Variants in FBF1 observed in about 807,000 individuals in gnomAD.
The protein encoded by FBF1 is fas-binding factor 1.
Under a neutral mutation model 147.2 loss-of-function variants are expected in FBF1, and 119 were observed. The observed-to-expected ratio is 0.81, with a 90% CI of 0.70 to 0.94. FBF1 has a LOEUF of 0.94. Ranked by LOEUF, FBF1 falls within the 40% of genes least tolerant of loss-of-function variation. FBF1 has a pLI of 0.00. For missense variants in FBF1, 1,449 were observed against 1,500.8 expected, an observed-to-expected ratio of 0.97 and a Z score of 0.57; for synonymous variants, 601 against 609.0, an observed-to-expected ratio of 0.99 and a Z score of 0.19.
intron 28 of FBF1, 51 bp downstream of exon 28, chr17:75,913,651 C>A: frequency 6.8e-7 from 1 of 1,460,368 alleles, no homozygotes; most frequent in East Asian, 2.5e-5. Flanking sequence ...ACTCCTAGCA[C>A]TGCCCCTGCC....
At position 75,933,021 on chromosome 17, in the gene FBF1, C is replaced by T; in HGVS notation, c.141G>A (p.Met47Ile). ...TTGTTCTCGCCTTTGAAGAAGGGAA[C>T]ATCTGAGATACACCTGTGGTGTCTC... ...HTRDTTGVSQ[M>I]FPSSKARTKS... The change falls in exon 5 of 30, where the codon ATG (methionine) becomes ATA (isoleucine). Residue 47 changes from methionine (M) to isoleucine (I), a missense_variant. Transcript: ENST00000636174. 2 of 1,603,848 alleles carry T rather than the reference C, an allele frequency of 1.2e-6. No homozygotes were observed. Among genetic ancestry groups the T allele is most frequent in the Non-Finnish European group, 8.5e-7 (1 of 1,171,952 alleles).
At position 75,923,301 on chromosome 17, in the gene FBF1, A is replaced by G. The variant is rs962690890; in HGVS notation, c.1309T>C (p.Trp437Arg). 1 of 1,594,298 alleles carries G rather than the reference A, an allele frequency of 6.3e-7. No individual in the cohort carries two copies. The highest frequency in any genetic ancestry group is 8.5e-7 in the Non-Finnish European group (1 of 1,170,828). The change falls in exon 14 of 30, where the codon TGG becomes CGG. Residue 437 changes from tryptophan to arginine, a missense_variant. Physicochemically the swap from Trp to Arg is moderately radical, Grantham distance 101. Coordinates refer to ENST00000636174, the MANE Select transcript of FBF1 (RefSeq NM_001319193.2). The surrounding 1 kb of genome is among the most constrained non-coding windows in gnomAD (Gnocchi z 4.1). ...TTCCGAGACAGGGCATGGCTCAGCC[A>G]GTCCTCTTTCTCCTCCTTGGAGGCT... ...LRASKEEKED[W>R]LSHALSRKKS...
At position 75,919,993 on chromosome 17, in the gene FBF1, C is replaced by T. The variant is rs1299754035; in HGVS notation, c.1931+14G>A. On this transcript the variant is annotated intron_variant, in intron 19 of 29. Coordinates refer to ENST00000636174, the MANE Select transcript of FBF1 (RefSeq NM_001319193.2). The surrounding 1 kb of genome is among the most constrained non-coding windows in gnomAD (Gnocchi z 5.0). ...GTGAGATCCAAGGCAGAGCTGGGGC[C>T]AGCGCCAGGGTACCTGTGTGCACTC... 6.2e-7 allele frequency: 1 copy of T among 1,608,610 alleles called. No homozygotes were observed. The highest frequency in any genetic ancestry group is 1.7e-5 in the Admixed American group (1 of 59,078).
At position 75,920,084 on chromosome 17, in the gene FBF1, C is replaced by G. The variant is rs759108333; in HGVS notation, c.1854G>C (p.Arg618=). 82 of 1,588,598 alleles carry G rather than the reference C, an allele frequency of 5.2e-5. No individual in the cohort carries two copies. The highest frequency in any genetic ancestry group is 1.7e-4 in the Middle Eastern group (1 of 5,740). The change falls in exon 19 of 30, where the codon CGG becomes CGC. Residue 618 remains arginine (R), a synonymous_variant. Coordinates refer to ENST00000636174, the MANE Select transcript of FBF1 (RefSeq NM_001319193.2). ...TCCCCAGCAGCAGCTCATGCTGGGC[C>G]CGTTCTAGCTCCAGCTTCCGCACCT... The part of the protein sequence containing the change: ...EAQVRKLELE[R]AQHELLLGSL...
intron 7 of FBF1, 52 bp downstream of exon 7, chr17:75,929,945 A>AGGGGGGCCCCCCCCCCCCCC: frequency 3.1e-6 from 2 of 650,890 alleles, no homozygotes; most frequent in Non-Finnish European, 2.8e-6. Context: ...AAATATCATG[A>AGGGGGGCCCCCCCCCCCCCC]CCCCACCCCA....
chr17:75,921,437 A>C, intron 16 of FBF1, 35 bp downstream of exon 16: 1 of 1,594,094 alleles, frequency 6.3e-7, no homozygotes, highest in East Asian at 2.3e-5. Flanking sequence ...ACCCAGGGTT[A>C]AACTCCCAAA....
Position 75,915,154 on chromosome 17 carries a change from G to A in FBF1, c.2506-15C>T, listed in dbSNP as rs2065481258. The A allele has an allele frequency of 6.2e-7, 1 of 1,604,682 alleles. No homozygotes were observed. On this transcript the variant is annotated splice_polypyrimidine_tract_variant and intron_variant, in intron 23 of 29. Transcript: ENST00000636174. ...CGCCAGCGTTCCTGTAGGGCCCAGG[G>A]CAGGACTGAGAGCGTGGTTCCCGCC...
In FBF1 at chr17:75,938,188, A is replaced by G; in HGVS notation, c.-39T>C. 6.2e-7 allele frequency: 1 copy of G among 1,613,418 alleles called. No homozygotes were observed. Among genetic ancestry groups the G allele is most frequent in the Non-Finnish European group, 8.5e-7 (1 of 1,179,754 alleles). ...GGGGTGCTCTCAGCTCCTTCACAGC[A>G]CTGGCCAGCTCATCTGGATTCTGCC... On this transcript the variant is annotated 5_prime_UTR_variant, in exon 2 of 30. Coordinates refer to ENST00000636174, the MANE Select transcript of FBF1 (RefSeq NM_001319193.2).
In FBF1 at chr17:75,926,838, T is replaced by C; in HGVS notation, c.515A>G (p.Glu172Gly). The C allele has an allele frequency of 6.2e-7, 1 of 1,613,604 alleles. No individual in the cohort carries two copies. The highest frequency in any genetic ancestry group is 1.1e-5 in the South Asian group (1 of 90,908). The change falls in exon 10 of 30, where the codon GAA becomes GGA. Residue 172 changes from glutamate to glycine, a missense_variant. Glu to Gly is a moderately conservative substitution (Grantham distance 98). Coordinates refer to ENST00000636174, the MANE Select transcript of FBF1 (RefSeq NM_001319193.2). ...AGGCGGCTGCTTGGTGATTCCTCCTTCATCATAGGAGAGAAGTCCTCTCAA... is the reference window on the plus strand; with the variant it reads ...AGGCGGCTGCTTGGTGATTCCTCCTCCATCATAGGAGAGAAGTCCTCTCAA... ...DPLRGLLSYD[E>G]GGITKQPPVT...
intron 23 of FBF1, among the ~76,000 whole-genome samples, chr17:75,917,261 G>A (rs1473199612): frequency 6.6e-6 from 1 of 152,228 alleles, no homozygotes; most frequent in Non-Finnish European, 1.5e-5. Context: ...ACTGTGCCTG[G>A]CTAAGGTCAT....
Position 75,919,923 on chromosome 17 carries a change from G to A in FBF1, c.1932-49C>T, listed in dbSNP as rs762176401. On this transcript the variant is annotated intron_variant, in intron 19 of 29. Coordinates refer to ENST00000636174, the MANE Select transcript of FBF1 (RefSeq NM_001319193.2). This position sits in a 1 kb window ranked among gnomAD's most constrained non-coding sequence, Gnocchi z 5.0. The stretch of plus-strand genomic sequence containing the variant: ...GGCGCAAGGAAGGCAGAGGGCTGCC[G>A]CCTAAAGGCCTCTCCAGGCACACTG... 8.1e-6 allele frequency: 13 copies of A among 1,611,980 alleles called. No individual in the cohort carries two copies. The highest frequency in any genetic ancestry group is 2.2e-5 in the South Asian group (2 of 90,998).
At position 75,916,148 on chromosome 17, in the gene FBF1, C is replaced by T. The variant is rs968822885; in HGVS notation, c.2506-1009G>A. On this transcript the variant is annotated intron_variant, in intron 23 of 29. Coordinates refer to ENST00000636174, the MANE Select transcript of FBF1 (RefSeq NM_001319193.2). ...CAGCCTGGGCAACATGGCAAACCCC[C>T]GTTTCTACAAAAAATACAAAAAATT... 3.5e-5 allele frequency among the ~76,000 whole-genome samples: 5 copies of T among 143,178 alleles called. No homozygotes were observed. In the South Asian group the frequency reaches 6.8e-4, roughly 19 times the overall value. The allele number at this position is 143,178 out of a possible 152,430, so 93.9% of individuals were successfully genotyped here.
chr17:75,921,935 C>G lies in FBF1; in HGVS notation c.1526+10G>C, dbSNP rs2065530455. On this transcript the variant is annotated intron_variant, in intron 15 of 29. Coordinates refer to ENST00000636174, the MANE Select transcript of FBF1 (RefSeq NM_001319193.2). ...CTCTCATTCCCACTCAGCCCGCAGC[C>G]CAGGCCTACCCCGAGACACCAGGCC... is the stretch of plus-strand genomic sequence containing the variant. The G allele has an allele frequency of 1.3e-6, 2 of 1,548,838 alleles. No homozygotes were observed. Among genetic ancestry groups the G allele is most frequent in the Non-Finnish European group, 1.7e-6 (2 of 1,145,784 alleles).
intron 1 of FBF1, among the ~76,000 whole-genome samples, chr17:75,938,822 T>G (rs908331722): frequency 6.7e-6 from 1 of 149,306 alleles, no homozygotes; most frequent in Non-Finnish European, 1.5e-5. Context: ...GCTGAGATCA[T>G]GCTATGCATT....
intron 9 of FBF1, 101 bp downstream of exon 9, chr17:75,927,354 T>A (rs2065568428): frequency 2.1e-6 from 2 of 940,476 alleles, no homozygotes; most frequent in Non-Finnish European, 3.3e-6. Context: ...GTGGCACCCA[T>A]GTGACATAGG....
chr17:75,932,171 A>G (rs2065598489), intron 5 of FBF1, among the ~76,000 whole-genome samples: 1 of 151,856 alleles, frequency 6.6e-6, no homozygotes, highest in African/African-American at 2.4e-5. Context: ...ACCTGAGATC[A>G]GGAGTTCGAG....
intron 3 of FBF1, among the ~76,000 whole-genome samples, chr17:75,936,242 TG>T (rs113699264): frequency 0.064 from 9,698 of 151,236 alleles, 947 homozygotes; most frequent in African/African-American, 0.21. Context: ...TGAACCCGGG[TG>T]GCAGAGTTTG....
At chr17:75,916,926 C>CTGCA (rs764612871) in intron 23 of FBF1, among the ~76,000 whole-genome samples, 34 of 152,282 alleles carry the variant, frequency 2.2e-4, no homozygotes, top group Non-Finnish European at 4.0e-4. Flanking sequence ...TCTCCACTCA[C>CTGCA]TGCAGCCTCT....
chr17:75,914,800 G>A lies in FBF1; in HGVS notation c.2761C>T (p.Arg921Trp). 1 of 1,565,638 alleles carries A rather than the reference G, an allele frequency of 6.4e-7. No individual in the cohort carries two copies. The highest frequency in any genetic ancestry group is 8.6e-7 in the Non-Finnish European group (1 of 1,158,886). Reference sequence around the variant, plus strand: ...CGCTGGGTGTCCACCTGCAATGCCCGCTCGGCCTCGCGCTCGGCCCGCTCC... The same window carrying A: ...CGCTGGGTGTCCACCTGCAATGCCCACTCGGCCTCGCGCTCGGCCCGCTCC... Reference protein sequence around the residue: ...SKERAEREAERALQVDTQREG... With the variant: ...SKERAEREAEWALQVDTQREG... Residue 921 changes from arginine (R) to tryptophan (W), a missense_variant, in exon 25 of 30, where the codon CGG (arginine) becomes TGG (tryptophan). Arg to Trp is a moderately radical substitution (Grantham distance 101). Coordinates refer to ENST00000636174, the MANE Select transcript of FBF1 (RefSeq NM_001319193.2).
Sources: gnomAD v4.1 joint callset for allele counts (sites outside exome capture counted in the v4.1 genomes callset) on GRCh38, gnomAD v4.1.1 for gene constraint, Gnocchi (gnomAD v3.1) non-coding constraint, MANE v1.5 for transcripts, NCBI Gene and HGNC (gene_info 2026-07-23, HGNC 2026-07-21) for gene names.